The following TENM2 variants were observed in gnomAD, a reference collection of about 807,000 sequenced individuals.
TENM2 encodes the protein teneurin transmembrane protein 2.
TENM2 carries 52 observed loss-of-function variants against 245.2 expected under a neutral mutation model. The ratio of observed to expected loss-of-function variants is 0.21; its 90% CI spans 0.17 to 0.27. The LOEUF (loss-of-function observed/expected upper bound fraction) is 0.27. Ranked by LOEUF, TENM2 falls within the 10% of genes least tolerant of loss-of-function variation. TENM2 has a pLI of 1.00. For synonymous variants in TENM2, 1,363 were observed against 1,438.9 expected, an observed-to-expected ratio of 0.95 and a Z score of 1.19; for missense variants, 3,046 against 3,666.8, an observed-to-expected ratio of 0.83 and a Z score of 4.37.
the TENM2 span, among the ~76,000 whole-genome samples, chr5:166,979,892 T>G: frequency 6.6e-6 from 1 of 152,160 alleles, no homozygotes; most frequent in Non-Finnish European, 1.5e-5. Flanking sequence ...TTAGGATGCA[T>G]TTTAACGTTG....
chr5:168,125,627 C>A (rs74855881), intron 11 of TENM2, among the ~76,000 whole-genome samples: 1 of 152,058 alleles, frequency 6.6e-6, no homozygotes, highest in Admixed American at 6.5e-5. Flanking sequence ...TCCAAGCAAG[C>A]GATCATTCCG....
At chr5:168,136,685 C>G (rs1436115237) in intron 12 of TENM2, among the ~76,000 whole-genome samples, 3 of 152,178 alleles carry the variant, frequency 2.0e-5, no homozygotes, top group African/African-American at 7.2e-5. Context: ...ACAGACACCA[C>G]AGAGTCCTTT....
intron 5 of TENM2, among the ~76,000 whole-genome samples, chr5:168,038,939 G>A (rs1226281736): frequency 6.6e-6 from 1 of 152,180 alleles, no homozygotes; most frequent in Non-Finnish European, 1.5e-5. Context: ...GGCTCACTGG[G>A]AGCAGTTTGT....
At chr5:168,013,256 T>A (rs1190702035) in intron 5 of TENM2, among the ~76,000 whole-genome samples, 1 of 152,178 alleles carries the variant, frequency 6.6e-6, no homozygotes, top group Admixed American at 6.5e-5. Flanking sequence ...GGGTTGGAAT[T>A]GTCTGATGCC....
At chr5:168,024,114 C>T (rs1158131304) in intron 5 of TENM2, among the ~76,000 whole-genome samples, 1 of 152,134 alleles carries the variant, frequency 6.6e-6, no homozygotes, top group African/African-American at 2.4e-5. Flanking sequence ...CCTAAGCAAC[C>T]TCAATTTTAA....
intron 4 of TENM2, among the ~76,000 whole-genome samples, chr5:167,954,407 G>C (rs1260281952): frequency 6.6e-6 from 1 of 152,078 alleles, no homozygotes; most frequent in Non-Finnish European, 1.5e-5. Context: ...ATGCATGTTT[G>C]GTTCAAACAT....
At chr5:167,753,331 A>C (rs1377049743) in intron 2 of TENM2, among the ~76,000 whole-genome samples, 2 of 152,162 alleles carry the variant, frequency 1.3e-5, no homozygotes, top group African/African-American at 4.8e-5. Context: ...AAGAAATGAG[A>C]CTATCCTGGC....
chr5:167,782,501 A>G (rs1432706336), intron 2 of TENM2, among the ~76,000 whole-genome samples: 3 of 152,008 alleles, frequency 2.0e-5, no homozygotes, highest in Non-Finnish European at 1.5e-5. Context: ...GGAAGGTGAG[A>G]TGGGAAGATG....
chr5:167,167,828 T>C, the TENM2 span, among the ~76,000 whole-genome samples: 2 of 152,148 alleles, frequency 1.3e-5, no homozygotes, highest in South Asian at 4.1e-4. Flanking sequence ...ACACAATGAA[T>C]GAATGAATGA....
At chr5:167,937,663 A>G (rs1778833446) in intron 3 of TENM2, 1 of 152,210 alleles carries the variant, frequency 6.6e-6, no homozygotes, top group African/African-American at 2.4e-5. Flanking sequence ...AACGAAAAAG[A>G]AAAGCAAAAT....
At chr5:167,056,905 G>T in the TENM2 span, among the ~76,000 whole-genome samples, 1 of 151,174 alleles carries the variant, frequency 6.6e-6, no homozygotes, top group Admixed American at 6.6e-5. Context: ...AGTCATTATT[G>T]CTTCAAATAT....
intron 25 of TENM2, among the ~76,000 whole-genome samples, chr5:168,237,913 C>T (rs949709265): frequency 2.6e-5 from 4 of 151,470 alleles, no homozygotes; most frequent in African/African-American, 9.7e-5. Flanking sequence ...GAGGCCAAGG[C>T]GGGCAGATCA....
chr5:167,577,824 T>C (rs1774812158), intron 2 of TENM2, among the ~76,000 whole-genome samples: 1 of 152,148 alleles, frequency 6.6e-6, no homozygotes. Context: ...TCACTGAGAA[T>C]CTGACGAAGA....
At chr5:167,736,393 C>G (rs978828871) in intron 2 of TENM2, among the ~76,000 whole-genome samples, 3 of 152,038 alleles carry the variant, frequency 2.0e-5, no homozygotes, top group African/African-American at 7.2e-5. Flanking sequence ...AGATATCTAT[C>G]TAGAATTTCT....
At chr5:167,994,851 G>A (rs529091031) in intron 5 of TENM2, among the ~76,000 whole-genome samples, 14 of 152,296 alleles carry the variant, frequency 9.2e-5, no homozygotes, top group East Asian at 1.9e-4. Flanking sequence ...TCAGAAAGGC[G>A]GAAGGATATC....
intron 2 of TENM2, among the ~76,000 whole-genome samples, chr5:167,642,611 TATC>T (rs1374151516): frequency 1.3e-5 from 2 of 152,212 alleles, no homozygotes; most frequent in Non-Finnish European, 2.9e-5. Context: ...CATTGTTTCT[TATC>T]ATTCTTGTGA....
the TENM2 span, among the ~76,000 whole-genome samples, chr5:167,145,489 A>G: frequency 6.6e-6 from 1 of 152,210 alleles, no homozygotes; most frequent in Non-Finnish European, 1.5e-5. Flanking sequence ...AAGGAACAGA[A>G]CATACCACAC....
chr5:168,047,354 C>A, intron 5 of TENM2, 73 bp from the exon 8 acceptor site: 2 of 1,529,310 alleles, frequency 1.3e-6, no homozygotes, highest in Non-Finnish European at 1.8e-6. Flanking sequence ...GAAAAGGGCA[C>A]CTGGCCCTCC....
the TENM2 span, among the ~76,000 whole-genome samples, chr5:167,040,309 G>T: frequency 6.6e-6 from 1 of 152,114 alleles, no homozygotes; most frequent in African/African-American, 2.4e-5. Context: ...AGCAAACCTT[G>T]ATGTAAATCT....
Sources: allele counts gnomAD v4.1 joint callset (sites outside exome capture counted in the v4.1 genomes callset), GRCh38; gene constraint gnomAD v4.1.1; transcripts MANE v1.5; gene names NCBI Gene and HGNC (gene_info 2026-07-23, HGNC 2026-07-21).